The following EYS variants were observed in gnomAD, a reference collection of about 807,000 sequenced individuals.
EYS encodes the protein protein eyes shut homolog.
A neutral mutation model predicts 282.1 loss-of-function variants in EYS; 250 were observed. That is an observed-to-expected ratio of 0.89 (90% CI 0.80 to 0.98). The LOEUF (loss-of-function observed/expected upper bound fraction) is 0.98, where lower values mean the gene tolerates loss of function less well. Among genes scored for constraint, EYS ranks in the 50% least tolerant of loss-of-function variants. The pLI, the probability that EYS is intolerant of heterozygous loss-of-function variation, is 0.00. For missense variants in EYS, 4,016 were observed against 3,709.0 expected, an observed-to-expected ratio of 1.08 and a Z score of -2.15; for synonymous variants, 1,355 against 1,282.9, an observed-to-expected ratio of 1.06 and a Z score of -1.20.
chr6:63,811,574 A>G (rs1771047491), intron 36 of EYS, among the ~76,000 whole-genome samples: 1 of 152,012 alleles, frequency 6.6e-6, no homozygotes, highest in Admixed American at 6.6e-5. Context: ...AGTACCGTTT[A>G]CAGGTGGATG....
At chr6:64,185,599 G>T (rs538014451) in intron 31 of EYS, among the ~76,000 whole-genome samples, 1 of 152,262 alleles carries the variant, frequency 6.6e-6, no homozygotes, top group Non-Finnish European at 1.5e-5. Flanking sequence ...AGACTTGGAA[G>T]TTTATAGAAA....
At chr6:65,585,998 G>A (rs1765030514) in intron 2 of EYS, among the ~76,000 whole-genome samples, 1 of 151,948 alleles carries the variant, frequency 6.6e-6, no homozygotes, top group South Asian at 2.1e-4. Flanking sequence ...TTCATAGAAG[G>A]AGGAAAATCA....
At chr6:64,853,319 A>G (rs1765944784) in intron 19 of EYS, among the ~76,000 whole-genome samples, 1 of 152,154 alleles carries the variant, frequency 6.6e-6, no homozygotes, top group Non-Finnish European at 1.5e-5. Context: ...TGACATAAAT[A>G]TCAAATATTT....
At chr6:65,402,368 T>C (rs1766540789) in intron 7 of EYS, 110 bp downstream of exon 7, 1 of 745,644 alleles carries the variant, frequency 1.3e-6, no homozygotes, top group East Asian at 2.8e-5. Context: ...GAATATTATA[T>C]ACCATTAAGT....
At chr6:65,611,379 A>G (rs1039083424) in intron 2 of EYS, among the ~76,000 whole-genome samples, 1 of 152,044 alleles carries the variant, frequency 6.6e-6, no homozygotes, top group Non-Finnish European at 1.5e-5. Context: ...TTGAAAAGTC[A>G]GTATAAAGTA....
At chr6:64,614,908 T>C (rs1046082759) in intron 24 of EYS, among the ~76,000 whole-genome samples, 49 of 152,158 alleles carry the variant, frequency 3.2e-4, no homozygotes, top group African/African-American at 1.1e-3. Context: ...AGTGACCGCC[T>C]ATACTGTGCT....
chr6:65,047,508 A>G (rs1773138960), intron 13 of EYS, among the ~76,000 whole-genome samples: 1 of 152,056 alleles, frequency 6.6e-6, no homozygotes, highest in East Asian at 1.9e-4. Flanking sequence ...TATGTTTCAC[A>G]TTTAAATCTA....
intron 19 of EYS, among the ~76,000 whole-genome samples, chr6:64,861,592 G>A (rs567357643): frequency 1.3e-5 from 2 of 152,116 alleles, no homozygotes; most frequent in Non-Finnish European, 2.9e-5. Context: ...GGAAGGCAAG[G>A]CTTCCACCCT....
At chr6:65,175,149 G>C (rs1228871752) in intron 12 of EYS, among the ~76,000 whole-genome samples, 1 of 151,200 alleles carries the variant, frequency 6.6e-6, no homozygotes. Context: ...CTGTGAAAAT[G>C]GTTCTATCAC....
chr6:63,772,152 TA>T (rs1332142178), intron 40 of EYS, among the ~76,000 whole-genome samples: 2 of 150,048 alleles, frequency 1.3e-5, no homozygotes, highest in African/African-American at 2.5e-5. Context: ...GGAAATTTTT[TA>T]AAAAAAAAGA....
intron 12 of EYS, among the ~76,000 whole-genome samples, chr6:65,179,818 G>C (rs529339774): frequency 3.5e-4 from 53 of 152,066 alleles, no homozygotes; most frequent in African/African-American, 1.2e-3. Flanking sequence ...TAAAATACTG[G>C]CAAACCGAAT....
chr6:64,866,023 G>A (rs1411391201), intron 19 of EYS, among the ~76,000 whole-genome samples: 1 of 151,932 alleles, frequency 6.6e-6, no homozygotes, highest in Non-Finnish European at 1.5e-5. Context: ...TAAATTGAAA[G>A]TGTTAAGTAA....
At chr6:64,531,586 TTATTTTATTTTATTTTTTG>T (rs1764340933) in intron 26 of EYS, among the ~76,000 whole-genome samples, 1 of 149,978 alleles carries the variant, frequency 6.7e-6, no homozygotes, top group South Asian at 2.1e-4. Flanking sequence ...TTATTTTATT[TTATTTTATTTTATTTTTTG>T]TATTTTTAGT....
intron 14 of EYS, among the ~76,000 whole-genome samples, chr6:64,955,512 GAAAAAATATGGTTAAGAACTTCC>G (rs1303053526): frequency 6.6e-6 from 1 of 152,038 alleles, no homozygotes; most frequent in Non-Finnish European, 1.5e-5. Flanking sequence ...TAGTTAGCAG[GAAAAAATATGGTTAAGAACTTCC>G]TCTTATACCA....
At chr6:65,156,300 T>G (rs1339294457) in intron 12 of EYS, among the ~76,000 whole-genome samples, 1 of 151,224 alleles carries the variant, frequency 6.6e-6, no homozygotes, top group Non-Finnish European at 1.5e-5. Flanking sequence ...GTCCAATTTC[T>G]GGGACTGACA....
At chr6:63,748,533 A>G (rs1562007657) in intron 41 of EYS, among the ~76,000 whole-genome samples, 1 of 152,034 alleles carries the variant, frequency 6.6e-6, no homozygotes, top group African/African-American at 2.4e-5. Flanking sequence ...CTCCTCATCA[A>G]TTTTTTGGAA....
intron 13 of EYS, among the ~76,000 whole-genome samples, chr6:65,032,092 C>T (rs534794899): frequency 6.6e-6 from 1 of 152,078 alleles, no homozygotes; most frequent in Admixed American, 6.6e-5. Flanking sequence ...AAAAACAACC[C>T]TAAGAAACTA....
At chr6:65,383,505 T>G (rs1217455387) in intron 8 of EYS, among the ~76,000 whole-genome samples, 3 of 151,868 alleles carry the variant, frequency 2.0e-5, no homozygotes, top group Admixed American at 6.6e-5. Context: ...TGAGGAATGC[T>G]TATCAAAACC....
intron 31 of EYS, among the ~76,000 whole-genome samples, chr6:64,129,865 C>T (rs1220778248): frequency 6.6e-6 from 1 of 152,152 alleles, no homozygotes; most frequent in Non-Finnish European, 1.5e-5. Context: ...CCAGCTTTCC[C>T]AGCACCATTT....
Sources: gnomAD v4.1 joint callset for allele counts (sites outside exome capture counted in the v4.1 genomes callset) on GRCh38, gnomAD v4.1.1 for gene constraint, MANE v1.5 for transcripts, NCBI Gene and HGNC (gene_info 2026-07-23, HGNC 2026-07-21) for gene names.